The following KCNQ5 variants were observed in gnomAD, a reference collection of about 807,000 sequenced individuals.
KCNQ5 encodes the protein potassium voltage-gated channel subfamily KQT member 5.
In KCNQ5, 30 loss-of-function variants were observed where a neutral mutation model predicts 98.2. The observed-to-expected ratio is 0.31, with a 90% confidence interval of 0.23 to 0.41. KCNQ5 has a LOEUF of 0.41. Ranked by LOEUF, KCNQ5 falls within the 10% of genes least tolerant of loss-of-function variation. The probability of loss-of-function intolerance (pLI) is 1.00; values close to 1 mark genes in which losing one functional copy is unlikely to be tolerated. For missense variants in KCNQ5, 835 were observed against 1,182.5 expected (o/e 0.71, Z 4.31); for synonymous variants, 458 against 449.4 (o/e 1.02, Z -0.24).
intron 1 of KCNQ5, among the ~76,000 whole-genome samples, chr6:72,654,053 G>A (rs1172013261): frequency 6.6e-6 from 1 of 152,002 alleles, no homozygotes; most frequent in Non-Finnish European, 1.5e-5. Flanking sequence ...TTGAGTACAT[G>A]CTATGACTAT....
At chr6:72,900,833 T>TA (rs1779472151) in intron 1 of KCNQ5, among the ~76,000 whole-genome samples, 1 of 152,136 alleles carries the variant, frequency 6.6e-6, no homozygotes, top group African/African-American at 2.4e-5. Context: ...TTTATTTTTT[T>TA]ATGGCCATTC....
rs1270536593 is a variant in KCNQ5, at chr6:73,196,892, T to A, written c.*1478T>A. 6.6e-6 allele frequency: 1 copy of A among 152,066 alleles called. No individual in the cohort carries two copies. The highest frequency in any genetic ancestry group is 1.9e-4 in the East Asian group (1 of 5,190). 9.4% of individuals were successfully genotyped at this position (152,066 alleles called of 1,614,324 possible). A position where few individuals can be genotyped will look rare whatever the true frequency, so the allele number is the denominator to read the frequency against. On this transcript the variant is annotated 3_prime_UTR_variant, in exon 14 of 14. Coordinates refer to ENST00000370398, the MANE Select transcript of KCNQ5 (RefSeq NM_019842.4). ...TGCTTGTTAGAAACCCATCTAGCTA[T>A]CTTAGGTCACCAGAACTTCAGCCAA...
chr6:72,678,366 G>A (rs903643441), intron 1 of KCNQ5: 2 of 152,064 alleles, frequency 1.3e-5, no homozygotes, highest in Non-Finnish European at 2.9e-5. Flanking sequence ...GGAGAAAATT[G>A]AAGCCTAGAA....
intron 2 of KCNQ5, among the ~76,000 whole-genome samples, chr6:73,020,280 C>T (rs183877851): frequency 4.0e-4 from 61 of 152,146 alleles, no homozygotes; most frequent in Non-Finnish European, 7.2e-4. Flanking sequence ...TATAGATCAG[C>T]GTTCTCGTGA....
At chr6:72,675,149 A>T (rs1767344044) in intron 1 of KCNQ5, among the ~76,000 whole-genome samples, 1 of 152,140 alleles carries the variant, frequency 6.6e-6, no homozygotes, top group Admixed American at 6.5e-5. Context: ...CAAACAAAAA[A>T]ATTTTCTCTG....
At chr6:72,845,096 CTT>C (rs1273325993) in intron 1 of KCNQ5, among the ~76,000 whole-genome samples, 3 of 152,150 alleles carry the variant, frequency 2.0e-5, no homozygotes, top group African/African-American at 7.2e-5. Flanking sequence ...TATGAAAAGA[CTT>C]TATTATTCTT....
intron 6 of KCNQ5, among the ~76,000 whole-genome samples, chr6:73,108,824 C>G (rs906978831): frequency 1.3e-5 from 2 of 151,876 alleles, no homozygotes; most frequent in South Asian, 4.2e-4. Flanking sequence ...AAGACTCCAT[C>G]TCAAAAAAAA....
At chr6:73,136,145 G>A (rs558628397) in intron 10 of KCNQ5, 3 of 152,138 alleles carry the variant, frequency 2.0e-5, no homozygotes, top group Admixed American at 6.5e-5. Context: ...CTTCATCCCC[G>A]GCCCTGGTTT....
chr6:73,039,411 A>G lies in KCNQ5; in HGVS notation c.490-2525A>G, dbSNP rs189950288. 4.1e-3 allele frequency among the ~76,000 whole-genome samples: 622 copies of G among 152,160 alleles called. 1 individual carries two copies. Among genetic ancestry groups the G allele is most frequent in the Admixed American group, 7.9e-3 (121 of 15,280 alleles). ...TTCCAATTTCTTGAGGTAGGTACTC[A>G]GATTATTAATATGAGAACTTTCTTC... On this transcript the variant is annotated intron_variant, in intron 2 of 13. Transcript: ENST00000370398.
intron 10 of KCNQ5, among the ~76,000 whole-genome samples, chr6:73,169,039 C>T (rs1235844413): frequency 6.6e-6 from 1 of 152,170 alleles, no homozygotes; most frequent in East Asian, 1.9e-4. Context: ...TTACTGAAAA[C>T]AGAAATGCAA....
chr6:72,912,858 T>C (rs1779995073), intron 1 of KCNQ5, among the ~76,000 whole-genome samples: 1 of 152,204 alleles, frequency 6.6e-6, no homozygotes, highest in African/African-American at 2.4e-5. Flanking sequence ...TATTATTACT[T>C]GGAAGACTTT....
chr6:73,014,776 GT>G (rs1469418004), intron 2 of KCNQ5, among the ~76,000 whole-genome samples: 1 of 151,930 alleles, frequency 6.6e-6, no homozygotes, highest in Non-Finnish European at 1.5e-5. Flanking sequence ...TACATAATTT[GT>G]TACATGTTTG....
chr6:73,185,149 G>GT (rs1437873766), intron 11 of KCNQ5, among the ~76,000 whole-genome samples: 4 of 152,284 alleles, frequency 2.6e-5, no homozygotes, highest in African/African-American at 9.6e-5. Context: ...GTGATTAACT[G>GT]TTTTGTTGGA....
At chr6:72,765,450 G>A (rs1310939041) in intron 1 of KCNQ5, among the ~76,000 whole-genome samples, 1 of 151,990 alleles carries the variant, frequency 6.6e-6, no homozygotes, top group Non-Finnish European at 1.5e-5. Context: ...ACACTGGGTG[G>A]TCAGGAAAGT....
chr6:72,898,290 A>G (rs941205084), intron 1 of KCNQ5, among the ~76,000 whole-genome samples: 4 of 152,034 alleles, frequency 2.6e-5, no homozygotes, highest in African/African-American at 9.7e-5. Context: ...TGCATGCATT[A>G]GCTTTTTGTC....
At chr6:72,784,714 T>A (rs1201174161) in intron 1 of KCNQ5, among the ~76,000 whole-genome samples, 1 of 152,194 alleles carries the variant, frequency 6.6e-6, no homozygotes, top group Non-Finnish European at 1.5e-5. Flanking sequence ...ACCAAGAGGC[T>A]ACTAGCAAGG....
chr6:72,770,715 A>C (rs973978738), intron 1 of KCNQ5, among the ~76,000 whole-genome samples: 4 of 152,090 alleles, frequency 2.6e-5, no homozygotes, highest in African/African-American at 9.7e-5. Context: ...TATTAATACT[A>C]ATTTAGTATT....
chr6:73,074,728 G>T (rs1773448966), intron 3 of KCNQ5, among the ~76,000 whole-genome samples: 1 of 144,412 alleles, frequency 6.9e-6, no homozygotes, highest in Admixed American at 7.2e-5. Context: ...TAAAGTCATT[G>T]TAAGGATTAA....
intron 1 of KCNQ5, among the ~76,000 whole-genome samples, chr6:72,726,644 T>C (rs1770295373): frequency 6.6e-6 from 1 of 151,996 alleles, no homozygotes; most frequent in Non-Finnish European, 1.5e-5. Flanking sequence ...GCATGGCAAA[T>C]AGGGGGAGAT....
Sources: gnomAD v4.1 joint callset for allele counts (sites outside exome capture counted in the v4.1 genomes callset) on GRCh38, gnomAD v4.1.1 for gene constraint, MANE v1.5 for transcripts, NCBI Gene and HGNC (gene_info 2026-07-23, HGNC 2026-07-21) for gene names.